Variants in LINGO2 observed in about 807,000 individuals in gnomAD.
LINGO2 encodes leucine-rich repeat and immunoglobulin-like domain-containing nogo receptor-interacting protein 2.
In LINGO2, 14 loss-of-function variants were observed where a neutral mutation model predicts 30.6. That is an observed-to-expected ratio of 0.46 (90% confidence interval 0.30 to 0.72). The LOEUF (loss-of-function observed/expected upper bound fraction) is 0.72. Among genes scored for constraint, LINGO2 ranks in the 30% least tolerant of loss-of-function variants. LINGO2 has a pLI of 0.07. For missense variants in LINGO2, 729 were observed against 751.7 expected (o/e 0.97, Z 0.35); for synonymous variants, 317 against 288.5 (o/e 1.10, Z -1.00).
chr9:29,115,992 C>G, the LINGO2 span, among the ~76,000 whole-genome samples: 1 of 151,792 alleles, frequency 6.6e-6, no homozygotes, highest in Admixed American at 6.6e-5. Flanking sequence ...TCATTTGTGG[C>G]TAAAATTATT....
chr9:29,211,575 TCTC>T, the LINGO2 span, among the ~76,000 whole-genome samples: 1 of 139,172 alleles, frequency 7.2e-6, no homozygotes, highest in South Asian at 2.3e-4. Flanking sequence ...TCTCTTCTCT[TCTC>T]TTCTCTCTCT....
the LINGO2 span, among the ~76,000 whole-genome samples, chr9:28,876,712 C>T: frequency 3.9e-5 from 6 of 152,162 alleles, no homozygotes; most frequent in East Asian, 1.9e-4. Context: ...AATAAACATA[C>T]GTGTGCAGGT....
intron 1 of LINGO2, among the ~76,000 whole-genome samples, chr9:28,625,279 C>T (rs1348972784): frequency 6.6e-6 from 1 of 152,088 alleles, no homozygotes; most frequent in Admixed American, 6.6e-5. Flanking sequence ...AGTTCAATGC[C>T]AAGTCCCTAA....
chr9:28,797,383 G>GAGAGAA, the LINGO2 span, among the ~76,000 whole-genome samples: 1 of 145,302 alleles, frequency 6.9e-6, no homozygotes, highest in African/African-American at 2.5e-5. Flanking sequence ...GAGAGAGAGA[G>GAGAGAA]AGAGAGAGAG....
At chr9:28,361,988 C>A (rs1347117397) in intron 3 of LINGO2, among the ~76,000 whole-genome samples, 1 of 152,182 alleles carries the variant, frequency 6.6e-6, no homozygotes, top group African/African-American at 2.4e-5. Flanking sequence ...ACCACATAGG[C>A]CATTGTTTCT....
intron 1 of LINGO2, among the ~76,000 whole-genome samples, chr9:28,650,892 A>T (rs534135724): frequency 2.5e-4 from 38 of 152,314 alleles, no homozygotes; most frequent in African/African-American, 9.1e-4. Context: ...CTAATATGTG[A>T]TATATTTGAA....
chr9:28,042,559 T>A (rs564303924), intron 4 of LINGO2, among the ~76,000 whole-genome samples: 1 of 152,294 alleles, frequency 6.6e-6, no homozygotes, highest in Non-Finnish European at 1.5e-5. Flanking sequence ...CTTGAACCTC[T>A]TATTAGCATG....
In LINGO2 at chr9:28,189,777, C is replaced by T. The variant is rs190225066; in HGVS notation, c.-87+105431G>A. 2.2e-3 allele frequency among the ~76,000 whole-genome samples: 335 copies of T among 151,916 alleles called. 3 individuals are homozygous for T. The highest frequency in any genetic ancestry group is 7.4e-3 in the African/African-American group (308 of 41,414). On this transcript the variant is annotated intron_variant, in intron 4 of 5. Coordinates refer to ENST00000379992, the Ensembl canonical transcript of LINGO2. ...CTGCTTTACTAGTGCCTGATATTCC[C>T]TGGAGAACCAAAAGCTTGAAGCAGT...
At chr9:28,790,325 C>CTTTTTTTTTTTTTTTTTTTTTTTTTTT in the LINGO2 span, among the ~76,000 whole-genome samples, 12 of 106,272 alleles carry the variant, frequency 1.1e-4, 1 homozygote, top group African/African-American at 3.5e-4. Flanking sequence ...TCTTTTCTTT[C>CTTTTTTTTTTTTTTTTTTTTTTTTTTT]TTTTTTTTTT....
intron 2 of LINGO2, among the ~76,000 whole-genome samples, chr9:28,462,500 G>C (rs1202358394): frequency 6.6e-6 from 1 of 151,222 alleles, no homozygotes; most frequent in Non-Finnish European, 1.5e-5. Context: ...AGCACACTTG[G>C]TCCACAATTG....
chr9:29,161,830 T>C, the LINGO2 span, among the ~76,000 whole-genome samples: 15 of 152,246 alleles, frequency 9.9e-5, no homozygotes, highest in South Asian at 2.5e-3. Flanking sequence ...TTCTTGAATA[T>C]ATACCATATT....
At chr9:27,986,141 C>A (rs1248535598) in intron 5 of LINGO2, among the ~76,000 whole-genome samples, 1 of 150,696 alleles carries the variant, frequency 6.6e-6, no homozygotes, top group Admixed American at 6.6e-5. Context: ...GTGGAGCTGG[C>A]TTCTGGAGGG....
intron 2 of LINGO2, among the ~76,000 whole-genome samples, chr9:28,439,850 C>T (rs1285475214): frequency 4.6e-5 from 7 of 152,150 alleles, no homozygotes; most frequent in Admixed American, 4.6e-4. Flanking sequence ...TGTGAGGAAA[C>T]TTTAAGGTCT....
At chr9:28,527,075 G>C (rs1274149200) in intron 1 of LINGO2, among the ~76,000 whole-genome samples, 1 of 152,122 alleles carries the variant, frequency 6.6e-6, no homozygotes, top group African/African-American at 2.4e-5. Context: ...AAACATGTTT[G>C]TTTTCTTTTA....
chr9:28,024,240 C>T (rs1256386973), intron 4 of LINGO2, among the ~76,000 whole-genome samples: 2 of 152,156 alleles, frequency 1.3e-5, no homozygotes, highest in African/African-American at 4.8e-5. Context: ...AGGGCTGCTT[C>T]CTACAGTTGT....
the LINGO2 span, among the ~76,000 whole-genome samples, chr9:28,784,969 A>G: frequency 6.6e-6 from 1 of 152,126 alleles, no homozygotes; most frequent in Admixed American, 6.5e-5. Context: ...AAAGAATTGC[A>G]AATATATGAG....
chr9:27,949,642 G>A (rs1401910167), exon 6 of LINGO2: 4 of 1,613,932 alleles, frequency 2.5e-6, no homozygotes, highest in Non-Finnish European at 3.4e-6. Flanking sequence ...AGAGCCCTAG[G>A]GGAGGAGAAG....
chr9:28,599,456 T>A (rs1825367074), intron 1 of LINGO2, among the ~76,000 whole-genome samples: 1 of 152,160 alleles, frequency 6.6e-6, no homozygotes, highest in Non-Finnish European at 1.5e-5. Flanking sequence ...TAAAAATTGT[T>A]GGTGGCTTGT....
rs565321843 is a variant in LINGO2, at chr9:28,084,767, A to C, written c.-86-72362T>G. On this transcript the variant is annotated intron_variant, in intron 4 of 5. Transcript: ENST00000379992. ...ATACCAAAAGTATGGTCTTGTACCTAGTAGATGTTTCATCCAGCACTGCTG... is the reference window on the plus strand; with the variant it reads ...ATACCAAAAGTATGGTCTTGTACCTCGTAGATGTTTCATCCAGCACTGCTG... Among the ~76,000 whole-genome samples the C allele has an allele frequency of 1.9e-4, 29 of 152,288 alleles. No individual in the cohort carries two copies. In the South Asian group the frequency reaches 6.0e-3, roughly 32 times the overall value.
Sources: allele counts gnomAD v4.1 joint callset (sites outside exome capture counted in the v4.1 genomes callset), GRCh38; gene constraint gnomAD v4.1.1; transcripts MANE v1.5; gene names NCBI Gene and HGNC (gene_info 2026-07-23, HGNC 2026-07-21).